CLSTN1: variants seen among roughly 807,000 people sequenced by gnomAD.
The protein encoded by CLSTN1 is calsyntenin 1, also known as calsyntenin-1.
CLSTN1 carries 28 observed loss-of-function variants against 108.3 expected under a neutral mutation model. That is an observed-to-expected ratio of 0.26 (90% confidence interval 0.19 to 0.35). The LOEUF is 0.35. Among genes scored for constraint, CLSTN1 ranks in the 10% least tolerant of loss-of-function variants. The pLI is 1.00. For synonymous variants in CLSTN1, 524 were observed against 534.9 expected (o/e 0.98, Z 0.28); for missense variants, 1,157 against 1,302.6 (o/e 0.89, Z 1.72).
chr1:9,772,817 G>A (rs919884758), intron 2 of CLSTN1, among the ~76,000 whole-genome samples: 4 of 152,110 alleles, frequency 2.6e-5, no homozygotes, highest in Non-Finnish European at 4.4e-5. Flanking sequence ...GTCTTCTCAG[G>A]TCATTGAAAT....
At position 9,753,744 on chromosome 1, in the gene CLSTN1, T is replaced by A; in HGVS notation, c.440+1370A>T. ...GACCTCAGGTGAAAATCACCTCAGG[T>A]GATCTGCCTGCCTCGGCCTCCCAAA... On this transcript the variant is annotated intron_variant, in intron 4 of 18. Coordinates refer to ENST00000377298, the MANE Select transcript of CLSTN1 (RefSeq NM_001009566.3). Among the ~76,000 whole-genome samples the A allele has an allele frequency of 1.3e-5, 2 of 152,078 alleles. 1 individual carries two copies. The highest frequency in any genetic ancestry group is 3.9e-4 in the East Asian group (2 of 5,178).
At position 9,813,786 on chromosome 1, in the gene CLSTN1, G is replaced by A. The variant is rs1654863362; in HGVS notation, c.91+9857C>T. ...TTATGACATTCAACTATTTTGAAGTGGTCCTCAAAAGTACTATATAAGAAA... is the reference window on the plus strand; with the variant it reads ...TTATGACATTCAACTATTTTGAAGTAGTCCTCAAAAGTACTATATAAGAAA... On this transcript the variant is annotated intron_variant, in intron 1 of 18. Transcript: ENST00000377298. Among the ~76,000 whole-genome samples, 2 of 152,066 alleles carry A rather than the reference G, an allele frequency of 1.3e-5. 1 individual carries two copies. Among genetic ancestry groups the A allele is most frequent in the South Asian group, 4.2e-4 (2 of 4,818 alleles).
At position 9,801,838 on chromosome 1, in the gene CLSTN1, G is replaced by C. The variant is rs552220509; in HGVS notation, c.91+21805C>G. 2.0e-5 allele frequency among the ~76,000 whole-genome samples: 3 copies of C among 152,284 alleles called. No homozygotes were observed. In the South Asian group the frequency reaches 6.2e-4, roughly 32 times the overall value. On this transcript the variant is annotated intron_variant, in intron 1 of 18. Coordinates refer to ENST00000377298, the MANE Select transcript of CLSTN1 (RefSeq NM_001009566.3). ...CCCAAAGTGCTGGGATTACAGGCGTGAGCCACCACGCCCGGCCTCGGCCAC... is the reference window on the plus strand; with the variant it reads ...CCCAAAGTGCTGGGATTACAGGCGTCAGCCACCACGCCCGGCCTCGGCCAC...
chr1:9,750,932 G>A (rs927353399), intron 5 of CLSTN1, among the ~76,000 whole-genome samples: 1 of 151,918 alleles, frequency 6.6e-6, no homozygotes, highest in Non-Finnish European at 1.5e-5. Context: ...GGGCGTGGTG[G>A]TGGGCACCTG....
intron 2 of CLSTN1, among the ~76,000 whole-genome samples, chr1:9,758,638 T>C (rs1228208632): frequency 1.3e-5 from 2 of 152,214 alleles, no homozygotes; most frequent in East Asian, 3.9e-4. Flanking sequence ...CATGCAACTT[T>C]GTGTATCTAA....
rs542867726 is a variant in CLSTN1 at position 9,798,534 on chromosome 1, A to C, written c.91+25109T>G. ...CCCCCACTTATATGAAATAGCCAAAATAAGTAAATCCATAGAGACAGAAAG... is the reference window on the plus strand; with the variant it reads ...CCCCCACTTATATGAAATAGCCAAACTAAGTAAATCCATAGAGACAGAAAG... On this transcript the variant is annotated intron_variant, in intron 1 of 18. Transcript: ENST00000377298. Among the ~76,000 whole-genome samples the C allele has an allele frequency of 2.8e-4, 43 of 152,342 alleles. 1 individual carries two copies. Among genetic ancestry groups the C allele is most frequent in the Non-Finnish European group, 4.9e-4 (33 of 68,038 alleles).
chr1:9,778,518 G>C (rs78713844), intron 1 of CLSTN1, among the ~76,000 whole-genome samples: 1 of 152,142 alleles, frequency 6.6e-6, no homozygotes, highest in African/African-American at 2.4e-5. Flanking sequence ...CTGAGCAAGA[G>C]AGCTAGAAAA....
chr1:9,805,153 T>C (rs1441228590), intron 1 of CLSTN1, among the ~76,000 whole-genome samples: 5 of 152,096 alleles, frequency 3.3e-5, no homozygotes, highest in Non-Finnish European at 7.4e-5. Flanking sequence ...CAAGGGGCAA[T>C]GTAAACTATG....
At chr1:9,815,290 A>C (rs1654926821) in intron 1 of CLSTN1, among the ~76,000 whole-genome samples, 1 of 152,250 alleles carries the variant, frequency 6.6e-6, no homozygotes, top group Non-Finnish European at 1.5e-5. Context: ...CCACAGCAGC[A>C]GAGTTCAAAC....
intron 7 of CLSTN1, among the ~76,000 whole-genome samples, chr1:9,747,659 G>C (rs1184280836): frequency 6.6e-6 from 1 of 151,954 alleles, no homozygotes; most frequent in Non-Finnish European, 1.5e-5. Context: ...ACCACGCCTG[G>C]CTAATTTTTT....
At position 9,735,908 on chromosome 1, in the gene CLSTN1, C is replaced by G; in HGVS notation, c.1711G>C (p.Glu571Gln). ...ACCTGCACGCCTCTGCCACTGTCTT[C>G]GAGGACCTGCAGGTCCAGCCCCTCC... ...CKEGLDLQVL[E>Q]DSGRGVQIQA... Residue 571 changes from glutamate (E) to glutamine (Q), a missense_variant, in exon 12 of 19, where the codon GAA becomes CAA. Coordinates refer to ENST00000377298, the MANE Select transcript of CLSTN1 (RefSeq NM_001009566.3). 1 of 1,614,110 alleles carries G rather than the reference C, an allele frequency of 6.2e-7. No homozygotes were observed. The highest frequency in any genetic ancestry group is 8.5e-7 in the Non-Finnish European group (1 of 1,180,030).
At chr1:9,807,754 G>A (rs962357704) in intron 1 of CLSTN1, among the ~76,000 whole-genome samples, 1 of 152,206 alleles carries the variant, frequency 6.6e-6, no homozygotes, top group African/African-American at 2.4e-5. Flanking sequence ...TTCTGCCCTT[G>A]GAGGCCGTGC....
chr1:9,764,840 A>G (rs182970018), intron 2 of CLSTN1, among the ~76,000 whole-genome samples: 140 of 151,886 alleles, frequency 9.2e-4, no homozygotes, highest in African/African-American at 3.2e-3. Flanking sequence ...ACAGGAACCA[A>G]CTTTTACACT....
chr1:9,818,606 C>A (rs556840431), intron 1 of CLSTN1, among the ~76,000 whole-genome samples: 7 of 151,680 alleles, frequency 4.6e-5, no homozygotes, highest in African/African-American at 1.7e-4. Flanking sequence ...GGATTACAGG[C>A]ATGAGCCACC....
In CLSTN1 at chr1:9,730,446, C is replaced by A; in HGVS notation, c.*62G>T. ...CTTTGTACATCGTGGACCCTTGGGA[C>A]TGGGAGAACGGATGGCAGCAGAGTC... On this transcript the variant is annotated 3_prime_UTR_variant, in exon 19 of 19. Transcript: ENST00000377298. The surrounding 1 kb of genome is among the most constrained non-coding windows in gnomAD (Gnocchi z 5.6). The A allele has an allele frequency of 6.7e-7, 1 of 1,489,116 alleles. No individual in the cohort carries two copies. The highest frequency in any genetic ancestry group is 1.7e-5 in the Admixed American group (1 of 59,774). The allele number at this position is 1,489,116 out of a possible 1,614,324, so 92.2% of individuals were successfully genotyped here.
intron 10 of CLSTN1, among the ~76,000 whole-genome samples, chr1:9,739,392 C>T (rs191567846): frequency 2.4e-4 from 36 of 152,302 alleles, no homozygotes; most frequent in Admixed American, 4.6e-4. Context: ...ACTGGTGTTA[C>T]TGTTTCACAA....
intron 2 of CLSTN1, among the ~76,000 whole-genome samples, chr1:9,762,018 G>A (rs925483593): frequency 6.6e-6 from 1 of 152,148 alleles, no homozygotes; most frequent in African/African-American, 2.4e-5. Flanking sequence ...AGACAGACCC[G>A]AACCGCAACT....
chr1:9,818,777 CTTTTTTT>C (rs1156483241), intron 1 of CLSTN1, among the ~76,000 whole-genome samples: 46 of 98,076 alleles, frequency 4.7e-4, no homozygotes, highest in African/African-American at 1.8e-3. Flanking sequence ...TCAAGCAACT[CTTTTTTT>C]TTTTTTTTTT....
chr1:9,758,749 AC>A (rs1412415175), intron 2 of CLSTN1, among the ~76,000 whole-genome samples: 8 of 152,168 alleles, frequency 5.3e-5, no homozygotes, highest in African/African-American at 1.9e-4. Flanking sequence ...AGTGCTTAAA[AC>A]ATTGCCTGGC....
Sources: gnomAD v4.1 joint callset for allele counts (sites outside exome capture counted in the v4.1 genomes callset) on GRCh38, gnomAD v4.1.1 for gene constraint, Gnocchi (gnomAD v3.1) non-coding constraint, MANE v1.5 for transcripts, NCBI Gene and HGNC (gene_info 2026-07-23, HGNC 2026-07-21) for gene names.